The following ZC3H18 variants were observed in gnomAD, a reference collection of about 807,000 sequenced individuals.
ZC3H18 encodes the protein zinc finger CCCH-type containing 18, also known as zinc finger CCCH domain-containing protein 18.
A neutral mutation model predicts 106.1 loss-of-function variants in ZC3H18; 8 were observed. The observed-to-expected ratio is 0.08, with a 90% CI of 0.04 to 0.14. The LOEUF is 0.14. Among genes scored for constraint, ZC3H18 ranks in the 10% least tolerant of loss-of-function variants. The probability of loss-of-function intolerance (pLI) is 1.00; values close to 1 mark genes in which losing one functional copy is unlikely to be tolerated. For synonymous variants in ZC3H18, 635 were observed against 522.1 expected (o/e 1.22, Z -2.95); for missense variants, 1,318 against 1,278.4 (o/e 1.03, Z -0.47).
intron 8 of ZC3H18, among the ~76,000 whole-genome samples, chr16:88,615,390 C>A (rs1905535191): frequency 6.6e-6 from 1 of 152,294 alleles, no homozygotes; most frequent in African/African-American, 2.4e-5. Context: ...AGCAGATGGT[C>A]CTGGGGCACC....
intron 6 of ZC3H18, among the ~76,000 whole-genome samples, chr16:88,602,785 A>G (rs530038961): frequency 1.1e-4 from 16 of 152,298 alleles, no homozygotes; most frequent in African/African-American, 3.8e-4. Context: ...GTTGCTGGGA[A>G]TATAGACGTT....
Position 88,631,780 on chromosome 16 carries a change from C to T in ZC3H18, c.*481C>T, listed in dbSNP as rs62047998. 0.013 allele frequency: 4,242 copies of T among 318,312 alleles called. 44 individuals are homozygous for T. The highest frequency in any genetic ancestry group is 0.02 in the Non-Finnish European group (3,226 of 160,952). The allele number at this position is 318,312 out of a possible 1,614,324, so 19.7% of individuals were successfully genotyped here. A position where few individuals can be genotyped will look rare whatever the true frequency, so the allele number is the denominator to read the frequency against. On this transcript the variant is annotated 3_prime_UTR_variant, in exon 18 of 18. Transcript: ENST00000301011. Reference sequence around the variant, plus strand: ...CGGATCAGAAATATATCTATATTCTCGACTAAAGTCTCATCAGGAAATATT... The same window carrying T: ...CGGATCAGAAATATATCTATATTCTTGACTAAAGTCTCATCAGGAAATATT...
intron 3 of ZC3H18, among the ~76,000 whole-genome samples, chr16:88,595,406 T>G (rs371655345): frequency 1.3e-5 from 2 of 152,298 alleles, no homozygotes; most frequent in African/African-American, 4.8e-5. Flanking sequence ...AATTTTGGGT[T>G]TGAAGTCCCA....
At position 88,577,092 on chromosome 16, in the gene ZC3H18, G is replaced by C; in HGVS notation, c.-14-18G>C. ...CCATTTTGCTAAAGGCTGTCAATCT[G>C]TATTCTCTCTTTTGCAGAACCGTGG... On this transcript the variant is annotated intron_variant, in intron 1 of 17. Transcript: ENST00000301011. The C allele has an allele frequency of 2.0e-6, 3 of 1,509,456 alleles. No homozygotes were observed. Among genetic ancestry groups the C allele is most frequent in the Non-Finnish European group, 2.7e-6 (3 of 1,129,246 alleles). 93.5% of individuals were successfully genotyped at this position (1,509,456 alleles called of 1,614,324 possible). A position where few individuals can be genotyped will look rare whatever the true frequency, so the allele number is the denominator to read the frequency against.
chr16:88,592,451 T>G (rs1567583443), intron 3 of ZC3H18, among the ~76,000 whole-genome samples: 1 of 152,040 alleles, frequency 6.6e-6, no homozygotes, highest in Non-Finnish European at 1.5e-5. Context: ...AAAACTATAT[T>G]TATTTATTTT....
intron 2 of ZC3H18, among the ~76,000 whole-genome samples, chr16:88,578,946 C>A (rs1336751131): frequency 6.6e-6 from 1 of 152,230 alleles, no homozygotes; most frequent in Non-Finnish European, 1.5e-5. Flanking sequence ...TCTCAGCCTC[C>A]CACAGTGCTG....
chr16:88,577,763 G>A (rs1225868403), intron 2 of ZC3H18, 37 bp downstream of exon 2: 2 of 1,611,942 alleles, frequency 1.2e-6, no homozygotes, highest in South Asian at 1.1e-5. Flanking sequence ...GGGGCATCCT[G>A]CCCAGCAGCC....
intron 3 of ZC3H18, among the ~76,000 whole-genome samples, chr16:88,596,242 G>A (rs1904432384): frequency 6.6e-6 from 1 of 152,180 alleles, no homozygotes. Flanking sequence ...AGTGAGAAAG[G>A]ATCTTTTTTG....
At chr16:88,622,049 C>G in intron 8 of ZC3H18, 148 bp from the exon 9 acceptor site, 1 of 930,060 alleles carries the variant, frequency 1.1e-6, no homozygotes, top group Non-Finnish European at 1.6e-6. Flanking sequence ...TTGTGAGTGG[C>G]CTTTTTTCCC....
chr16:88,624,956 G>T (rs1906209159), intron 12 of ZC3H18, among the ~76,000 whole-genome samples: 1 of 152,224 alleles, frequency 6.6e-6, no homozygotes, highest in South Asian at 2.1e-4. Context: ...GGAAGGGACA[G>T]CGTGGCACGG....
At chr16:88,601,842 G>A (rs547121414) in intron 6 of ZC3H18, among the ~76,000 whole-genome samples, 1 of 152,036 alleles carries the variant, frequency 6.6e-6, no homozygotes, top group Non-Finnish European at 1.5e-5. Flanking sequence ...CTGGGAACAG[G>A]GTCAGGGTGC....
rs1029370720 is a variant in ZC3H18, at chr16:88,570,502, G to C, written c.-79G>C. On this transcript the variant is annotated 5_prime_UTR_variant, in exon 1 of 18. Coordinates refer to ENST00000301011, the MANE Select transcript of ZC3H18 (RefSeq NM_144604.4). Reference sequence around the variant, plus strand: ...CCTGTGAAGAGCGGAAGGGCCAAGGGACGTCTTCTCCACGCCGCTCCGACT... The same window carrying C: ...CCTGTGAAGAGCGGAAGGGCCAAGGCACGTCTTCTCCACGCCGCTCCGACT... 3.3e-5 allele frequency: 5 copies of C among 152,034 alleles called. No individual in the cohort carries two copies. Among genetic ancestry groups the C allele is most frequent in the African/African-American group, 7.2e-5 (3 of 41,400 alleles). 9.4% of individuals were successfully genotyped at this position (152,034 alleles called of 1,614,324 possible).
At chr16:88,584,418 T>G (rs1317133601) in intron 2 of ZC3H18, among the ~76,000 whole-genome samples, 2 of 148,100 alleles carry the variant, frequency 1.4e-5, no homozygotes, top group Non-Finnish European at 1.5e-5. Context: ...CAGGACTCTG[T>G]CTCCAAAAAA....
At chr16:88,625,452 C>A in intron 13 of ZC3H18, 185 bp downstream of exon 13, 1 of 679,558 alleles carries the variant, frequency 1.5e-6, no homozygotes, top group Non-Finnish European at 2.5e-6. Flanking sequence ...GGCCAGGACT[C>A]GTGATAGGAA....
rs752018066 is a variant in ZC3H18, at chr16:88,622,308, C to T, written c.1587C>T (p.Leu529=). The change falls in exon 9 of 18, where the codon CTC becomes CTT. Residue 529 remains leucine (L), a synonymous_variant. Coordinates refer to ENST00000301011, the MANE Select transcript of ZC3H18 (RefSeq NM_144604.4). The part of the protein sequence containing the change: ...WRRSKSPKKK[L]GVSVSPSRAR... ...GATCCAAGTCTCCCAAGAAGAAACT[C>T]GGGGTGTCGGTCTCCCCGAGCCGGG... is the stretch of plus-strand genomic sequence containing the variant. The T allele has an allele frequency of 1.1e-5, 17 of 1,613,872 alleles. No homozygotes were observed. Among genetic ancestry groups the T allele is most frequent in the African/African-American group, 5.3e-5 (4 of 74,924 alleles).
chr16:88,572,665 C>T (rs1001476167), intron 1 of ZC3H18, among the ~76,000 whole-genome samples: 5 of 152,032 alleles, frequency 3.3e-5, no homozygotes, highest in East Asian at 1.9e-4. Flanking sequence ...AAATTGCAAA[C>T]GTGGGTATCA....
At chr16:88,622,876 T>G in intron 9 of ZC3H18, 1 of 329,850 alleles carries the variant, frequency 3.0e-6, no homozygotes. Context: ...GAGGCCAGGC[T>G]TCACTGAAAG....
Position 88,579,175 on chromosome 16 carries a change from G to A in ZC3H18, c.603+1449G>A, listed in dbSNP as rs1166752696. Among the ~76,000 whole-genome samples the A allele has an allele frequency of 2.6e-5, 4 of 152,202 alleles. No individual in the cohort carries two copies. The East Asian group carries it at 7.7e-4, about 29-fold the overall frequency. On this transcript the variant is annotated intron_variant, in intron 2 of 17. Transcript: ENST00000301011. ...AGAATTTTAGATGTTTCATCTTTCC[G>A]CAGCGAAGTGTAGGAAGTGGTCTCC...
At position 88,577,577 on chromosome 16, in the gene ZC3H18, G is replaced by T; in HGVS notation, c.454G>T (p.Ala152Ser). The change falls in exon 2 of 18, where the codon GCT becomes TCT. Residue 152 changes from alanine (A) to serine (S), a missense_variant. Around this residue, in one of 6 missense-constraint regions of ZC3H18, gnomAD observed 346 missense variants for 269.0 expected, o/e 1.29. Coordinates refer to ENST00000301011, the MANE Select transcript of ZC3H18 (RefSeq NM_144604.4). ...VQEDEAEKAG[A>S]EDDEEKGEGT... is the part of the protein sequence containing the mutation. ...GGAGGACGAGGCTGAGAAAGCGGGG[G>T]CTGAGGATGATGAGGAGAAAGGCGA... 2 of 1,613,678 alleles carry T rather than the reference G, an allele frequency of 1.2e-6. No individual in the cohort carries two copies. Among genetic ancestry groups the T allele is most frequent in the South Asian group, 1.1e-5 (1 of 91,076 alleles).
Sources: allele counts gnomAD v4.1 joint callset (sites outside exome capture counted in the v4.1 genomes callset), GRCh38; gene constraint gnomAD v4.1.1; regional missense constraint gnomAD v4.1.1; transcripts MANE v1.5; gene names NCBI Gene and HGNC (gene_info 2026-07-23, HGNC 2026-07-21).